GRM7: variants seen among roughly 807,000 people sequenced by gnomAD.
The protein encoded by GRM7 is glutamate metabotropic receptor 7.
Under a neutral mutation model 84.5 loss-of-function variants are expected in GRM7, and 35 were observed. The observed-to-expected ratio is 0.41, with a 90% CI of 0.32 to 0.55. GRM7 has a LOEUF of 0.55. GRM7 is among the 20% of genes least tolerant of loss of function. GRM7 has a pLI of 0.19. For missense variants in GRM7, 1,003 were observed against 1,194.6 expected, an observed-to-expected ratio of 0.84 and a Z score of 2.36; for synonymous variants, 487 against 455.1, an observed-to-expected ratio of 1.07 and a Z score of -0.89.
intron 2 of GRM7, among the ~76,000 whole-genome samples, chr3:7,168,284 C>A (rs1253283553): frequency 6.6e-6 from 1 of 152,244 alleles, no homozygotes; most frequent in East Asian, 1.9e-4. Flanking sequence ...TGTTGAGGTT[C>A]TTCATGCCTT....
intron 1 of GRM7, among the ~76,000 whole-genome samples, chr3:7,072,662 G>A (rs774912800): frequency 7.2e-5 from 11 of 151,950 alleles, no homozygotes; most frequent in Non-Finnish European, 1.5e-4. Context: ...ACTCCACACT[G>A]TGAGACAGAC....
intron 2 of GRM7, among the ~76,000 whole-genome samples, chr3:7,294,354 A>G (rs941134822): frequency 6.6e-6 from 1 of 152,144 alleles, no homozygotes; most frequent in Non-Finnish European, 1.5e-5. Context: ...TCTTCTCCCC[A>G]GGAGTCCCAG....
At chr3:7,154,452 C>T (rs1694383912) in intron 2 of GRM7, among the ~76,000 whole-genome samples, 1 of 152,160 alleles carries the variant, frequency 6.6e-6, no homozygotes, top group South Asian at 2.1e-4. Context: ...GATTCCTCCT[C>T]ATCTCTTCTG....
intron 2 of GRM7, among the ~76,000 whole-genome samples, chr3:7,295,248 CTA>C: frequency 6.6e-6 from 1 of 152,182 alleles, no homozygotes; most frequent in East Asian, 1.9e-4. Flanking sequence ...GTTGAAAAGA[CTA>C]TTCTTTTTCC....
At chr3:6,981,000 C>A (rs190222822) in intron 1 of GRM7, among the ~76,000 whole-genome samples, 158 of 152,234 alleles carry the variant, frequency 1.0e-3, no homozygotes, top group Non-Finnish European at 2.2e-4. Context: ...TAAACTTTAT[C>A]TTTAGCCTAC....
intron 4 of GRM7, among the ~76,000 whole-genome samples, chr3:7,413,548 A>G (rs999441964): frequency 2.0e-5 from 3 of 152,172 alleles, no homozygotes; most frequent in Admixed American, 6.5e-5. Context: ...ATTGTCTGAG[A>G]GGAGCTCCAT....
intron 7 of GRM7, among the ~76,000 whole-genome samples, chr3:7,553,915 T>C (rs376350341): frequency 3.3e-5 from 5 of 152,238 alleles, no homozygotes; most frequent in Non-Finnish European, 7.3e-5. Context: ...GAAGCTGTGA[T>C]AGCAGGAAGG....
chr3:7,038,938 C>T (rs1181206040), intron 1 of GRM7, among the ~76,000 whole-genome samples: 1 of 152,076 alleles, frequency 6.6e-6, no homozygotes, highest in African/African-American at 2.4e-5. Context: ...AGGGCAGCAA[C>T]ATAATCGTCT....
chr3:6,878,603 C>T (rs1695400248), intron 1 of GRM7, among the ~76,000 whole-genome samples: 1 of 152,022 alleles, frequency 6.6e-6, no homozygotes, highest in Non-Finnish European at 1.5e-5. Context: ...GAAAATTCCA[C>T]TTGAGAAATG....
intron 7 of GRM7, among the ~76,000 whole-genome samples, chr3:7,498,993 G>A (rs140824639): frequency 1.3e-5 from 2 of 152,284 alleles, no homozygotes; most frequent in Non-Finnish European, 2.9e-5. Context: ...AAAAATTGCT[G>A]ATTTTGCCCT....
intron 7 of GRM7, among the ~76,000 whole-genome samples, chr3:7,504,679 C>A (rs984640395): frequency 6.6e-6 from 1 of 152,122 alleles, no homozygotes; most frequent in Non-Finnish European, 1.5e-5. Flanking sequence ...TGAATTCAAT[C>A]CCATGATAGC....
intron 4 of GRM7, among the ~76,000 whole-genome samples, chr3:7,312,612 G>A (rs749656446): frequency 6.6e-6 from 1 of 152,130 alleles, no homozygotes; most frequent in Non-Finnish European, 1.5e-5. Flanking sequence ...TTGATAAGCA[G>A]AAAACTTCTC....
chr3:6,996,860 G>A (rs1490211834), intron 1 of GRM7, among the ~76,000 whole-genome samples: 1 of 152,130 alleles, frequency 6.6e-6, no homozygotes, highest in Non-Finnish European at 1.5e-5. Flanking sequence ...ACCAATCCCT[G>A]CAGCTCAACA....
intron 1 of GRM7, among the ~76,000 whole-genome samples, chr3:7,045,670 A>G (rs1254840938): frequency 2.0e-5 from 3 of 152,144 alleles, no homozygotes; most frequent in Non-Finnish European, 4.4e-5. Flanking sequence ...TATTTCACTT[A>G]ACATAATGAC....
At chr3:7,651,177 C>T (rs1698920202) in intron 8 of GRM7, among the ~76,000 whole-genome samples, 1 of 152,096 alleles carries the variant, frequency 6.6e-6, no homozygotes, top group African/African-American at 2.4e-5. Context: ...TGTTTAGCAT[C>T]AGCATCTCAA....
chr3:7,048,897 T>C (rs968396999), intron 1 of GRM7, among the ~76,000 whole-genome samples: 1 of 152,008 alleles, frequency 6.6e-6, no homozygotes, highest in African/African-American at 2.4e-5. Flanking sequence ...TGTTCTCTTC[T>C]TCAATCAATT....
At chr3:7,479,685 G>GT (rs1343320498) in intron 7 of GRM7, among the ~76,000 whole-genome samples, 1 of 152,162 alleles carries the variant, frequency 6.6e-6, no homozygotes, top group East Asian at 1.9e-4. Context: ...CACTTATGAG[G>GT]TCGGTGCTAT....
chr3:7,426,303 G>T (rs1696609611), intron 5 of GRM7, among the ~76,000 whole-genome samples: 1 of 152,068 alleles, frequency 6.6e-6, no homozygotes, highest in South Asian at 2.1e-4. Context: ...ATTTTTAGTA[G>T]AGACAGGGTT....
Position 7,578,691 on chromosome 3 carries a change from C to G in GRM7, c.1785C>G (p.Val595=), listed in dbSNP as rs779660944. 1 of 1,614,086 alleles carries G rather than the reference C, an allele frequency of 6.2e-7. No homozygotes were observed. The highest frequency in any genetic ancestry group is 1.7e-4 in the Middle Eastern group (1 of 6,060). The change falls in exon 8 of 10, where the codon GTC becomes GTG. Residue 595 remains valine (V), a synonymous_variant. Coordinates refer to ENST00000357716, the MANE Select transcript of GRM7 (RefSeq NM_000844.4). ...ACTCCCCCTGGGCTGTGATTCCTGT[C>G]TTCCTGGCAATGTTGGGGATCATTG... is the stretch of plus-strand genomic sequence containing the variant. ...EWHSPWAVIP[V]FLAMLGIIAT... is the part of the protein sequence containing the mutation.
Sources: gnomAD v4.1 joint callset for allele counts (sites outside exome capture counted in the v4.1 genomes callset) on GRCh38, gnomAD v4.1.1 for gene constraint, MANE v1.5 for transcripts, NCBI Gene and HGNC (gene_info 2026-07-23, HGNC 2026-07-21) for gene names.